The following GNB1L variants were observed in gnomAD, a reference collection of about 807,000 sequenced individuals.
GNB1L encodes G protein subunit beta 1 like, also known as guanine nucleotide-binding protein subunit beta-like protein 1.
GNB1L carries 20 observed loss-of-function variants against 29.1 expected under a neutral mutation model. The ratio of observed to expected loss-of-function variants is 0.69; its 90% CI spans 0.48 to 1.00. The LOEUF (loss-of-function observed/expected upper bound fraction) is 1.00, where lower values mean the gene tolerates loss of function less well. GNB1L is among the 50% of genes least tolerant of loss of function. The probability of loss-of-function intolerance (pLI) is 0.00; values close to 1 mark genes in which losing one functional copy is unlikely to be tolerated. For missense variants in GNB1L, 421 were observed against 464.9 expected, an observed-to-expected ratio of 0.91 and a Z score of 0.87; for synonymous variants, 193 against 206.5, an observed-to-expected ratio of 0.93 and a Z score of 0.56.
At chr22:19,844,228 A>G (rs1421663934) in intron 2 of GNB1L, among the ~76,000 whole-genome samples, 2 of 152,206 alleles carry the variant, frequency 1.3e-5, no homozygotes, top group Non-Finnish European at 2.9e-5. Flanking sequence ...GGACACGCCC[A>G]AATGGCGTGA....
intron 2 of GNB1L, among the ~76,000 whole-genome samples, chr22:19,822,522 C>T (rs1047107464): frequency 4.6e-5 from 7 of 152,196 alleles, no homozygotes; most frequent in Admixed American, 6.5e-5. Context: ...TGCCTGCAGA[C>T]CCTGAGCTGG....
intron 2 of GNB1L, among the ~76,000 whole-genome samples, chr22:19,828,693 ATAAT>A (rs891316929): frequency 3.3e-5 from 5 of 151,048 alleles, no homozygotes; most frequent in Admixed American, 6.6e-5. Flanking sequence ...TATATAATAT[ATAAT>A]TAATCTATGT....
chr22:19,847,688 T>C, intron 2 of GNB1L: 1 of 984,860 alleles, frequency 1.0e-6, no homozygotes, highest in Non-Finnish European at 1.2e-6. Context: ...TGCCTAGAAT[T>C]GTTACGTGGT....
intron 2 of GNB1L, among the ~76,000 whole-genome samples, chr22:19,839,814 A>C (rs1454276385): frequency 3.9e-5 from 6 of 152,022 alleles, no homozygotes; most frequent in Admixed American, 3.9e-4. Flanking sequence ...CAGGAGGTGG[A>C]GGTTGCAGTG....
In GNB1L at chr22:19,822,892, C is replaced by T. The variant is rs76097036; in HGVS notation, c.-20-1517G>A. On this transcript the variant is annotated intron_variant, in intron 2 of 7. Coordinates refer to ENST00000329517, the MANE Select transcript of GNB1L (RefSeq NM_053004.3). ...CCCTGCCTCTCCCCTTCTGAATACA[C>T]GCCAGCCCTCTCCTTACTCTATTCA... Among the ~76,000 whole-genome samples, 1,452 of 152,310 alleles carry T rather than the reference C, an allele frequency of 9.5e-3. 25 individuals carry two copies. Among genetic ancestry groups the T allele is most frequent in the African/African-American group, 0.032 (1,341 of 41,564 alleles).
intron 4 of GNB1L, among the ~76,000 whole-genome samples, chr22:19,819,544 A>T (rs1937561500): frequency 6.6e-6 from 1 of 152,186 alleles, no homozygotes; most frequent in Non-Finnish European, 1.5e-5. Context: ...ACCTGGCCAG[A>T]CAGCACAGCA....
rs1264660946 is a variant in GNB1L, at chr22:19,785,049, G to A, written c.*3660C>T. The A allele has an allele frequency of 6.6e-6, 1 of 152,250 alleles. No individual in the cohort carries two copies. Among genetic ancestry groups the A allele is most frequent in the East Asian group, 1.9e-4 (1 of 5,194 alleles). The allele number at this position is 152,250 out of a possible 1,614,324, so 9.4% of individuals were successfully genotyped here. ...GCAGCCTTGTGGGGCCCTGAGCAGAGGACCAGCTACGTTGTGCCCGTGCCT... is the reference window on the plus strand; with the variant it reads ...GCAGCCTTGTGGGGCCCTGAGCAGAAGACCAGCTACGTTGTGCCCGTGCCT... On this transcript the variant is annotated 3_prime_UTR_variant, in exon 8 of 8. Coordinates refer to ENST00000329517, the MANE Select transcript of GNB1L (RefSeq NM_053004.3). This position sits in a 1 kb window ranked among gnomAD's most constrained non-coding sequence, Gnocchi z 4.1.
intron 4 of GNB1L, among the ~76,000 whole-genome samples, chr22:19,813,669 C>T (rs1359392347): frequency 3.9e-5 from 6 of 152,068 alleles, no homozygotes; most frequent in African/African-American, 1.4e-4. Flanking sequence ...GCCTGGGTGA[C>T]AAAGCAAGAC....
chr22:19,849,030 G>A, intron 2 of GNB1L: 1 of 985,522 alleles, frequency 1.0e-6, no homozygotes, highest in Non-Finnish European at 1.2e-6. Context: ...CACAAAAGGG[G>A]GGATGGGGCC....
chr22:19,827,947 A>G (rs1228508336), intron 2 of GNB1L, among the ~76,000 whole-genome samples: 1 of 152,254 alleles, frequency 6.6e-6, no homozygotes, highest in Non-Finnish European at 1.5e-5. Context: ...TGCAGAAAGG[A>G]ACACATTGGG....
chr22:19,821,118 C>T, intron 3 of GNB1L, 110 bp downstream of exon 3: 1 of 1,083,646 alleles, frequency 9.2e-7, no homozygotes, highest in Non-Finnish European at 1.3e-6. Flanking sequence ...GGGTGGCGAG[C>T]AGTCCATGCC....
At chr22:19,795,496 G>T (rs1030553559) in intron 7 of GNB1L, among the ~76,000 whole-genome samples, 2 of 152,118 alleles carry the variant, frequency 1.3e-5, no homozygotes, top group East Asian at 1.9e-4. Flanking sequence ...CCCGAGACAC[G>T]CCATGTGCTG....
At chr22:19,849,147 T>C (rs1281262675) in intron 2 of GNB1L, 2 of 985,164 alleles carry the variant, frequency 2.0e-6, no homozygotes, top group Non-Finnish European at 2.4e-6. Context: ...TGAAAATGGG[T>C]TTCTTCTGCC....
At chr22:19,815,388 G>A (rs143474344) in intron 4 of GNB1L, among the ~76,000 whole-genome samples, 3 of 152,164 alleles carry the variant, frequency 2.0e-5, no homozygotes, top group African/African-American at 4.8e-5. Flanking sequence ...GCACAAAGAC[G>A]TGCACAGCCC....
rs539955507 is a variant in GNB1L at position 19,827,206 on chromosome 22, C to T, written c.-20-5831G>A. Among the ~76,000 whole-genome samples, 11 of 152,086 alleles carry T rather than the reference C, an allele frequency of 7.2e-5. No individual in the cohort carries two copies. In the East Asian group the frequency reaches 1.9e-3, roughly 27 times the overall value. ...TGTCTTTATTCCTACGAGATACATC[C>T]GAAAGTATTTAGGGGTGAAATGCTA... On this transcript the variant is annotated intron_variant, in intron 2 of 7. Transcript: ENST00000329517.
At chr22:19,849,354 A>C in intron 2 of GNB1L, 1 of 950,304 alleles carries the variant, frequency 1.1e-6, no homozygotes, top group South Asian at 4.9e-5. Flanking sequence ...TTTCTAAATA[A>C]GGTTTTTGTT....
intron 5 of GNB1L, 106 bp downstream of exon 5, chr22:19,812,179 C>A: frequency 8.3e-7 from 1 of 1,201,020 alleles, no homozygotes; most frequent in Non-Finnish European, 1.1e-6. Flanking sequence ...GGCAGGTGGG[C>A]GGCTCCATGG....
chr22:19,808,915 G>A (rs984100844), intron 5 of GNB1L, among the ~76,000 whole-genome samples: 3 of 152,136 alleles, frequency 2.0e-5, no homozygotes, highest in Non-Finnish European at 4.4e-5. Context: ...GAGAGCCACC[G>A]TCAGGGCTGT....
At chr22:19,851,957 G>A (rs775279319) in intron 2 of GNB1L, 32 of 1,614,018 alleles carry the variant, frequency 2.0e-5, no homozygotes, top group Non-Finnish European at 2.7e-5. Flanking sequence ...GCCTGGGTCT[G>A]AGCCTGGTAC....
Sources: gnomAD v4.1 joint callset for allele counts (sites outside exome capture counted in the v4.1 genomes callset) on GRCh38, gnomAD v4.1.1 for gene constraint, Gnocchi (gnomAD v3.1) non-coding constraint, MANE v1.5 for transcripts, NCBI Gene and HGNC (gene_info 2026-07-23, HGNC 2026-07-21) for gene names.